The following GPC5 variants were observed in gnomAD, a reference collection of about 807,000 sequenced individuals.
The protein encoded by GPC5 is glypican 5.
GPC5 carries 47 observed loss-of-function variants against 53.9 expected under a neutral mutation model. The observed-to-expected ratio is 0.87, with a 90% CI of 0.69 to 1.11. The LOEUF (loss-of-function observed/expected upper bound fraction) is 1.11, where lower values mean the gene tolerates loss of function less well. Ranked by LOEUF, GPC5 falls within the 50% of genes most tolerant of loss-of-function variation. The pLI is 0.00. For synonymous variants in GPC5, 286 were observed against 263.3 expected, an observed-to-expected ratio of 1.09 and a Z score of -0.84; for missense variants, 748 against 713.1, an observed-to-expected ratio of 1.05 and a Z score of -0.56.
intron 7 of GPC5, among the ~76,000 whole-genome samples, chr13:92,149,172 A>T (rs749774640): frequency 2.0e-5 from 3 of 151,998 alleles, no homozygotes; most frequent in Non-Finnish European, 2.9e-5. Flanking sequence ...TCTCCTCATC[A>T]TTCCACATTC....
At chr13:92,481,515 C>T (rs1019454175) in intron 7 of GPC5, among the ~76,000 whole-genome samples, 1 of 152,170 alleles carries the variant, frequency 6.6e-6, no homozygotes, top group Admixed American at 6.6e-5. Flanking sequence ...GAGTTTGTCA[C>T]TTTGTATCCG....
intron 7 of GPC5, among the ~76,000 whole-genome samples, chr13:92,544,399 G>A (rs546356581): frequency 6.6e-6 from 1 of 152,290 alleles, no homozygotes; most frequent in South Asian, 2.1e-4. Context: ...ATAAAAATGT[G>A]ACATTGCTCA....
intron 7 of GPC5, among the ~76,000 whole-genome samples, chr13:92,146,670 G>C (rs1033572486): frequency 6.6e-6 from 1 of 151,932 alleles, no homozygotes; most frequent in African/African-American, 2.4e-5. Context: ...TCCTCCCACT[G>C]TTTCCCCCAA....
intron 6 of GPC5, among the ~76,000 whole-genome samples, chr13:92,113,147 C>T (rs2041571874): frequency 6.6e-6 from 1 of 151,980 alleles, no homozygotes; most frequent in African/African-American, 2.4e-5. Flanking sequence ...TATCTTTACT[C>T]TTTCCAGGAA....
At chr13:92,465,022 G>A (rs1471569617) in intron 7 of GPC5, among the ~76,000 whole-genome samples, 2 of 151,786 alleles carry the variant, frequency 1.3e-5, no homozygotes, top group African/African-American at 2.4e-5. Flanking sequence ...TGTGACAGAT[G>A]GTACATTCAT....
At chr13:92,722,134 T>C (rs977578912) in intron 7 of GPC5, among the ~76,000 whole-genome samples, 2 of 152,000 alleles carry the variant, frequency 1.3e-5, no homozygotes, top group Admixed American at 1.3e-4. Flanking sequence ...TTTTCAAAAG[T>C]CTTGTTCCCA....
intron 5 of GPC5, among the ~76,000 whole-genome samples, chr13:91,900,339 G>A (rs1307852901): frequency 6.6e-6 from 1 of 151,962 alleles, no homozygotes; most frequent in East Asian, 1.9e-4. Flanking sequence ...TTCATATGTT[G>A]GTATCAAACA....
intron 7 of GPC5, among the ~76,000 whole-genome samples, chr13:92,584,797 T>C (rs9523720): frequency 0.63 from 95,465 of 151,742 alleles, 30,852 homozygotes; most frequent in African/African-American, 0.75. Context: ...AGGAACTTGG[T>C]ACCCTGAATC....
chr13:91,413,348 C>T (rs1398098564), intron 1 of GPC5, among the ~76,000 whole-genome samples: 9 of 150,536 alleles, frequency 6.0e-5, no homozygotes, highest in Non-Finnish European at 1.2e-4. Context: ...CAAATATGGC[C>T]CCACTTAAAA....
chr13:91,720,805 G>T (rs1396283235), intron 3 of GPC5, among the ~76,000 whole-genome samples: 1 of 152,098 alleles, frequency 6.6e-6, no homozygotes. Context: ...TCAGACAAAA[G>T]ATACCAGAGA....
chr13:91,786,422 C>T (rs1193929219), intron 5 of GPC5, among the ~76,000 whole-genome samples: 2 of 152,148 alleles, frequency 1.3e-5, no homozygotes, highest in African/African-American at 4.8e-5. Context: ...ACTCACTTTG[C>T]TTTTTTGTTA....
intron 6 of GPC5, among the ~76,000 whole-genome samples, chr13:92,120,587 C>A (rs527960940): frequency 1.3e-5 from 2 of 152,136 alleles, no homozygotes; most frequent in Non-Finnish European, 2.9e-5. Context: ...ACATTACTCT[C>A]CCTTGTTAAT....
chr13:91,592,081 G>A (rs77261567), intron 2 of GPC5, among the ~76,000 whole-genome samples: 92 of 152,260 alleles, frequency 6.0e-4, no homozygotes, highest in Non-Finnish European at 1.1e-3. Flanking sequence ...TCTTTAATTT[G>A]GGTGTAAGTT....
At chr13:91,879,636 T>A (rs2039242986) in intron 5 of GPC5, among the ~76,000 whole-genome samples, 1 of 152,150 alleles carries the variant, frequency 6.6e-6, no homozygotes, top group African/African-American at 2.4e-5. Flanking sequence ...GGCTCCTCCT[T>A]CATGACCTAA....
intron 7 of GPC5, among the ~76,000 whole-genome samples, chr13:92,677,841 G>C (rs1173731893): frequency 6.6e-6 from 1 of 152,160 alleles, no homozygotes; most frequent in Non-Finnish European, 1.5e-5. Flanking sequence ...AATGAGAACA[G>C]GAACTGGGTG....
intron 7 of GPC5, among the ~76,000 whole-genome samples, chr13:92,759,341 C>T (rs937692087): frequency 2.0e-5 from 3 of 151,926 alleles, no homozygotes; most frequent in East Asian, 1.9e-4. Flanking sequence ...GTATTATCAA[C>T]ATTTAAGACA....
At chr13:92,671,655 C>T (rs1016766381) in intron 7 of GPC5, among the ~76,000 whole-genome samples, 3 of 152,126 alleles carry the variant, frequency 2.0e-5, no homozygotes, top group Non-Finnish European at 2.9e-5. Flanking sequence ...ATAACAACAA[C>T]GAAAAGAGAC....
intron 2 of GPC5, among the ~76,000 whole-genome samples, chr13:91,634,165 A>G (rs559921062): frequency 6.6e-6 from 1 of 152,220 alleles, no homozygotes; most frequent in Admixed American, 6.5e-5. Context: ...TAATATTTAT[A>G]ATAGTAAAAA....
At chr13:92,390,393 A>AT (rs1401791361) in intron 7 of GPC5, among the ~76,000 whole-genome samples, 2 of 152,022 alleles carry the variant, frequency 1.3e-5, no homozygotes, top group Admixed American at 1.3e-4. Context: ...CCACTAAGGG[A>AT]TTTTTTTCAA....
Sources: gnomAD v4.1 joint callset for allele counts (sites outside exome capture counted in the v4.1 genomes callset) on GRCh38, gnomAD v4.1.1 for gene constraint, MANE v1.5 for transcripts, NCBI Gene and HGNC (gene_info 2026-07-23, HGNC 2026-07-21) for gene names.